The following ST6GAL1 variants were observed in gnomAD, a reference collection of about 807,000 sequenced individuals.
ST6GAL1 encodes beta-galactoside alpha-2,6-sialyltransferase 1.
In ST6GAL1, 20 loss-of-function variants were observed where a neutral mutation model predicts 38.0. The ratio of observed to expected loss-of-function variants is 0.53; its 90% CI spans 0.37 to 0.77. The LOEUF (loss-of-function observed/expected upper bound fraction) is 0.77. Among genes scored for constraint, ST6GAL1 ranks in the 30% least tolerant of loss-of-function variants. The probability of loss-of-function intolerance (pLI) is 0.00; values close to 1 mark genes in which losing one functional copy is unlikely to be tolerated. For missense variants in ST6GAL1, 432 were observed against 496.4 expected, an observed-to-expected ratio of 0.87 and a Z score of 1.23; for synonymous variants, 196 against 188.2, an observed-to-expected ratio of 1.04 and a Z score of -0.34.
At chr3:186,934,956 G>A (rs1213712725) in intron 1 of ST6GAL1, among the ~76,000 whole-genome samples, 1 of 151,788 alleles carries the variant, frequency 6.6e-6, no homozygotes, top group Admixed American at 6.6e-5. Context: ...TAGTAAAGAC[G>A]GGGTTTCACC....
chr3:187,047,676 T>C (rs1251043448), intron 4 of ST6GAL1, among the ~76,000 whole-genome samples: 1 of 152,208 alleles, frequency 6.6e-6, no homozygotes, highest in Admixed American at 6.5e-5. Context: ...TGGATTTCTC[T>C]TGGTGATTTC....
In ST6GAL1 at chr3:187,075,829, C is replaced by T. The variant is rs371697937; in HGVS notation, c.*26C>T. 2 of 1,611,742 alleles carry T rather than the reference C, an allele frequency of 1.2e-6. No individual in the cohort carries two copies. The highest frequency in any genetic ancestry group is 1.7e-6 in the Non-Finnish European group (2 of 1,178,226). ...GCACAGGCTCCTCACTCTTCTCCAT[C>T]AGGCATTAAATGAATGGTCTCTTGG... On this transcript the variant is annotated 3_prime_UTR_variant, in exon 8 of 8. Coordinates refer to ENST00000169298, the MANE Select transcript of ST6GAL1 (RefSeq NM_173216.2). The surrounding 1 kb of genome is among the most constrained non-coding windows in gnomAD (Gnocchi z 4.1).
At chr3:187,050,958 T>G (rs1055331181) in intron 4 of ST6GAL1, among the ~76,000 whole-genome samples, 2 of 152,190 alleles carry the variant, frequency 1.3e-5, no homozygotes, top group African/African-American at 4.8e-5. Flanking sequence ...CACACTGGCT[T>G]TGTTCACTTT....
chr3:186,996,102 C>T (rs1429615442), intron 2 of ST6GAL1, among the ~76,000 whole-genome samples: 2 of 152,094 alleles, frequency 1.3e-5, no homozygotes, highest in Non-Finnish European at 2.9e-5. Flanking sequence ...TTCTTTTATT[C>T]TCTTTAAATA....
At chr3:186,994,957 A>G (rs1194302259) in intron 2 of ST6GAL1, among the ~76,000 whole-genome samples, 1 of 152,068 alleles carries the variant, frequency 6.6e-6, no homozygotes, top group East Asian at 1.9e-4. Context: ...ACAAAAAAAA[A>G]AGAGACCCTT....
At chr3:186,937,466 C>G (rs1714002855) in intron 1 of ST6GAL1, among the ~76,000 whole-genome samples, 2 of 152,312 alleles carry the variant, frequency 1.3e-5, no homozygotes, top group South Asian at 4.2e-4. Flanking sequence ...CCTTCAAAAA[C>G]TTAACTTTAA....
At chr3:187,060,863 A>T (rs1335873991) in intron 5 of ST6GAL1, among the ~76,000 whole-genome samples, 1 of 152,210 alleles carries the variant, frequency 6.6e-6, no homozygotes, top group Admixed American at 6.5e-5. Context: ...TAAATGAAAA[A>T]TTCCAGAAAT....
At chr3:187,063,996 G>C (rs549743209) in intron 5 of ST6GAL1, among the ~76,000 whole-genome samples, 38 of 152,056 alleles carry the variant, frequency 2.5e-4, no homozygotes, top group African/African-American at 9.2e-4. Context: ...AAATAGTAGC[G>C]ATGGGCACTA....
intron 1 of ST6GAL1, among the ~76,000 whole-genome samples, chr3:186,936,456 A>G (rs1267171685): frequency 6.6e-6 from 1 of 152,110 alleles, no homozygotes; most frequent in Non-Finnish European, 1.5e-5. Context: ...TCTGCAGAAA[A>G]CTATACGATG....
At chr3:187,058,251 T>G in intron 5 of ST6GAL1, among the ~76,000 whole-genome samples, 1 of 152,182 alleles carries the variant, frequency 6.6e-6, no homozygotes. Flanking sequence ...TTGCGCTTCC[T>G]GGGTGAGGTG....
chr3:186,948,528 AGTGTGTGTGTGTGTGTGTGTGT>A (rs36234165), intron 1 of ST6GAL1, among the ~76,000 whole-genome samples: 72,081 of 146,324 alleles, frequency 0.49, 17,757 homozygotes, highest in Middle Eastern at 0.57. Context: ...CAGAAACTCT[AGTGTGTGTGTGTGTGTGTGTGT>A]GTGTGTGTGT....
chr3:187,071,367 C>T (rs762838328), intron 5 of ST6GAL1, among the ~76,000 whole-genome samples: 4 of 152,256 alleles, frequency 2.6e-5, no homozygotes, highest in Non-Finnish European at 2.9e-5. Flanking sequence ...ACTTTTCTTT[C>T]TCATTCACTC....
At chr3:187,017,016 A>G (rs932783611) in intron 2 of ST6GAL1, among the ~76,000 whole-genome samples, 8 of 152,254 alleles carry the variant, frequency 5.3e-5, no homozygotes, top group African/African-American at 1.9e-4. Flanking sequence ...CTTTGAGTCC[A>G]GGAGGACAGA....
At chr3:186,969,573 A>G (rs938274861) in intron 2 of ST6GAL1, among the ~76,000 whole-genome samples, 2 of 152,182 alleles carry the variant, frequency 1.3e-5, no homozygotes, top group African/African-American at 4.8e-5. Context: ...TTCTACAGAT[A>G]AGTCCTTTAT....
intron 2 of ST6GAL1, among the ~76,000 whole-genome samples, chr3:187,016,590 G>T (rs192568929): frequency 9.9e-4 from 151 of 152,246 alleles, no homozygotes; most frequent in African/African-American, 3.5e-3. Context: ...TGACTTCTGT[G>T]GATCTGTCCC....
rs1718190874 is a variant in ST6GAL1 at position 187,043,272 on chromosome 3, C to T, written c.569C>T (p.Ala190Val). 3.7e-6 allele frequency: 6 copies of T among 1,614,056 alleles called. No individual in the cohort carries two copies. Among genetic ancestry groups the T allele is most frequent in the Non-Finnish European group, 5.1e-6 (6 of 1,179,992 alleles). The change falls in exon 4 of 8, where the codon GCG (alanine) becomes GTG (valine). Residue 190 changes from alanine to valine, a missense_variant. Physicochemically the swap from Ala to Val is moderately conservative, Grantham distance 64. Transcript: ENST00000169298. ...GGCAGGTGTGCTGTTGTGTCGTCAG[C>T]GGGATCTCTGAAGTCCTCCCAACTA... ...PWGRCAVVSS[A>V]GSLKSSQLGR... is the part of the protein sequence containing the mutation.
chr3:186,966,669 T>C (rs1226883956), intron 2 of ST6GAL1, among the ~76,000 whole-genome samples: 2 of 152,164 alleles, frequency 1.3e-5, no homozygotes, highest in African/African-American at 4.8e-5. Flanking sequence ...CTCTTCCTTG[T>C]AGTGTAAGAT....
intron 2 of ST6GAL1, among the ~76,000 whole-genome samples, chr3:186,984,879 C>T (rs1016358681): frequency 1.1e-4 from 16 of 140,616 alleles, no homozygotes; most frequent in African/African-American, 4.3e-4. Flanking sequence ...GTCCTTCCTT[C>T]CGTCCTTTCT....
intron 6 of ST6GAL1, 72 bp from the exon 7 acceptor site, chr3:187,074,087 G>A: frequency 7.3e-7 from 1 of 1,377,288 alleles, no homozygotes; most frequent in Non-Finnish European, 9.8e-7. Context: ...GTCCACTGAT[G>A]AAGATGACTC....
Sources: allele counts gnomAD v4.1 joint callset (sites outside exome capture counted in the v4.1 genomes callset), GRCh38; gene constraint gnomAD v4.1.1; non-coding constraint Gnocchi (gnomAD v3.1); transcripts MANE v1.5; gene names NCBI Gene and HGNC (gene_info 2026-07-23, HGNC 2026-07-21).